CCDC181: variants seen among roughly 807,000 people sequenced by gnomAD.
CCDC181 encodes coiled-coil domain containing 181, also known as coiled-coil domain-containing protein 181.
In CCDC181, 35 loss-of-function variants were observed where a neutral mutation model predicts 58.7. That is an observed-to-expected ratio of 0.60 (90% CI 0.46 to 0.79). The LOEUF (loss-of-function observed/expected upper bound fraction) is 0.79. Among genes scored for constraint, CCDC181 ranks in the 30% least tolerant of loss-of-function variants. The pLI is 0.00. For missense variants in CCDC181, 517 were observed against 583.9 expected (o/e 0.89, Z 1.18); for synonymous variants, 183 against 197.5 (o/e 0.93, Z 0.62).
intron 4 of CCDC181, among the ~76,000 whole-genome samples, chr1:169,413,196 A>G (rs920770682): frequency 6.6e-6 from 1 of 152,242 alleles, no homozygotes; most frequent in Non-Finnish European, 1.5e-5. Context: ...AACCCCATCA[A>G]AAAGTGGGCA....
At chr1:169,403,215 A>G (rs1655454358) in intron 4 of CCDC181, among the ~76,000 whole-genome samples, 1 of 152,204 alleles carries the variant, frequency 6.6e-6, no homozygotes, top group African/African-American at 2.4e-5. Context: ...TAATAATGGG[A>G]GACTTTAACA....
intron 2 of CCDC181, among the ~76,000 whole-genome samples, chr1:169,439,875 C>G (rs1657162889): frequency 6.6e-6 from 1 of 152,144 alleles, no homozygotes; most frequent in African/African-American, 2.4e-5. Flanking sequence ...CATCTCCTCT[C>G]TGACCATCCC....
rs72040890 is a variant in CCDC181 at position 169,440,931 on chromosome 1, T to TAAAAAAAAAAAAAAAAAAAAAAAAA, written c.-23-15982_-23-15981insTTTTTTTTTTTTTTTTTTTTTTTTT. Among the ~76,000 whole-genome samples the TAAAAAAAAAAAAAAAAAAAAAAAAA allele has an allele frequency of 6.0e-4, 46 of 76,858 alleles. 3 individuals carry two copies. The highest frequency in any genetic ancestry group is 1.3e-3 in the African/African-American group (24 of 18,854). The allele number at this position is 76,858 out of a possible 152,430, so 50.4% of individuals were successfully genotyped here. ...GCCCAGGCAACAGAGCAAGACTGTC[T>TAAAAAAAAAAAAAAAAAAAAAAAAA]AAAAAAAAAAAAAAGGCAAGATGAG... On this transcript the variant is annotated intron_variant, in intron 2 of 6. Coordinates refer to the CCDC181 transcript ENST00000545005.
intron 2 of CCDC181, among the ~76,000 whole-genome samples, chr1:169,441,583 G>C (rs1657229832): frequency 6.6e-6 from 1 of 151,784 alleles, no homozygotes; most frequent in African/African-American, 2.4e-5. Flanking sequence ...GTACCCTCTG[G>C]CTATCGATAA....
chr1:169,400,234 C>T (rs1477181455), intron 4 of CCDC181, among the ~76,000 whole-genome samples: 1 of 152,132 alleles, frequency 6.6e-6, no homozygotes, highest in African/African-American at 2.4e-5. Context: ...GGGTCATGTC[C>T]TAGAGTAAGG....
intron 2 of CCDC181, among the ~76,000 whole-genome samples, chr1:169,454,954 A>T (rs185167042): frequency 6.6e-6 from 1 of 152,040 alleles, no homozygotes; most frequent in Admixed American, 6.5e-5. Context: ...ATAGACGGCT[A>T]CTTGTTTTTT....
At chr1:169,449,072 AT>A (rs1220746118) in intron 2 of CCDC181, among the ~76,000 whole-genome samples, 1 of 151,984 alleles carries the variant, frequency 6.6e-6, no homozygotes, top group Non-Finnish European at 1.5e-5. Flanking sequence ...TATTGTCTAT[AT>A]TTTTCCACTA....
chr1:169,448,515 T>C (rs1258961618), intron 2 of CCDC181, among the ~76,000 whole-genome samples: 1 of 152,124 alleles, frequency 6.6e-6, no homozygotes, highest in Non-Finnish European at 1.5e-5. Flanking sequence ...CTCTATTTTA[T>C]TCTTTTTTGT....
intron 2 of CCDC181, among the ~76,000 whole-genome samples, chr1:169,458,175 G>GTTTTTTTTTTTTTTT (rs369111049): frequency 1.6e-5 from 2 of 126,894 alleles, no homozygotes; most frequent in African/African-American, 2.9e-5. Flanking sequence ...AGTAATTTTT[G>GTTTTTTTTTTTTTTT]TTTTTTTTTT....
chr1:169,404,292 A>C (rs1655525350), intron 4 of CCDC181, among the ~76,000 whole-genome samples: 1 of 152,216 alleles, frequency 6.6e-6, no homozygotes, highest in Non-Finnish European at 1.5e-5. Flanking sequence ...AAAAGAGGGA[A>C]TCCTCCCTAA....
At chr1:169,402,970 A>G (rs1655436515) in intron 4 of CCDC181, among the ~76,000 whole-genome samples, 1 of 150,278 alleles carries the variant, frequency 6.7e-6, no homozygotes, top group African/African-American at 2.4e-5. Context: ...TACCAAGCAA[A>G]TGGAAAACAA....
At chr1:169,459,720 G>C (rs1450792774) in intron 2 of CCDC181, 2 of 151,938 alleles carry the variant, frequency 1.3e-5, no homozygotes, top group African/African-American at 4.8e-5. Flanking sequence ...CTTTTACTTA[G>C]TCAAGCATAA....
intron 2 of CCDC181, among the ~76,000 whole-genome samples, chr1:169,444,012 A>G (rs1269378736): frequency 6.6e-6 from 1 of 152,204 alleles, no homozygotes; most frequent in Non-Finnish European, 1.5e-5. Context: ...TTTATACTCA[A>G]CTTATTCTCA....
chr1:169,457,163 T>G (rs1216543018), intron 2 of CCDC181, among the ~76,000 whole-genome samples: 2 of 152,320 alleles, frequency 1.3e-5, no homozygotes, highest in East Asian at 1.9e-4. Flanking sequence ...TCTGGCTGCT[T>G]TTATGATCTT....
chr1:169,407,921 G>A (rs1036266275), intron 4 of CCDC181, among the ~76,000 whole-genome samples: 5 of 152,170 alleles, frequency 3.3e-5, no homozygotes, highest in African/African-American at 1.2e-4. Context: ...CTTTCCCAGG[G>A]TCTTCACAAC....
intron 2 of CCDC181, 29 bp downstream of exon 2, chr1:169,424,782 T>G: frequency 8.6e-7 from 1 of 1,167,570 alleles, no homozygotes. Flanking sequence ...TGTAATATAA[T>G]TATTATGAAT....
upstream of CCDC181, among the ~76,000 whole-genome samples, chr1:169,427,873 AG>A: frequency 6.6e-6 from 1 of 152,210 alleles, no homozygotes; most frequent in East Asian, 1.9e-4. Flanking sequence ...CAAAGAAAAT[AG>A]GATTTTTGCT....
intron 2 of CCDC181, 132 bp from the exon 3 acceptor site, chr1:169,422,445 G>T (rs2102094503): frequency 1.7e-6 from 1 of 603,226 alleles, no homozygotes; most frequent in East Asian, 2.8e-5. Context: ...CTCATAATTT[G>T]CTCATAACAT....
intron 4 of CCDC181, among the ~76,000 whole-genome samples, chr1:169,411,866 A>G (rs1057247103): frequency 6.6e-6 from 1 of 152,232 alleles, no homozygotes; most frequent in African/African-American, 2.4e-5. Context: ...CTAGGTACTG[A>G]TGGCACGTAT....
Sources: allele counts gnomAD v4.1 joint callset (sites outside exome capture counted in the v4.1 genomes callset), GRCh38; gene constraint gnomAD v4.1.1; transcripts MANE v1.5; gene names NCBI Gene and HGNC (gene_info 2026-07-23, HGNC 2026-07-21).